Variants in GRB10 observed in about 807,000 individuals in gnomAD.
GRB10 encodes the protein growth factor receptor bound protein 10.
GRB10 carries 20 observed loss-of-function variants against 80.9 expected under a neutral mutation model. The observed-to-expected ratio is 0.25, with a 90% CI of 0.17 to 0.36. GRB10 has a LOEUF of 0.36. Among genes scored for constraint, GRB10 ranks in the 10% least tolerant of loss-of-function variants. The pLI, the probability that GRB10 is intolerant of heterozygous loss-of-function variation, is 1.00. For missense variants in GRB10, 548 were observed against 747.7 expected, an observed-to-expected ratio of 0.73 and a Z score of 3.12; for synonymous variants, 291 against 291.5, an observed-to-expected ratio of 1.00 and a Z score of 0.02.
At chr7:50,668,500 T>G (rs1187223811) in intron 7 of GRB10, among the ~76,000 whole-genome samples, 4 of 152,216 alleles carry the variant, frequency 2.6e-5, no homozygotes, top group African/African-American at 9.7e-5. Context: ...TCAGCCACAC[T>G]CAGCTCAGCT....
At chr7:50,706,959 C>T (rs967110384) in intron 4 of GRB10, among the ~76,000 whole-genome samples, 8 of 152,238 alleles carry the variant, frequency 5.3e-5, no homozygotes, top group Non-Finnish European at 7.3e-5. Context: ...TCTCCCATGA[C>T]GAGCTTTTTA....
intron 3 of GRB10, among the ~76,000 whole-genome samples, chr7:50,754,108 CT>C (rs1337026121): frequency 6.6e-6 from 1 of 152,216 alleles, no homozygotes; most frequent in African/African-American, 2.4e-5. Context: ...ACGGCACTCC[CT>C]GATTCAGCTT....
intron 4 of GRB10, among the ~76,000 whole-genome samples, chr7:50,731,923 C>A (rs965876970): frequency 6.6e-6 from 1 of 152,238 alleles, no homozygotes; most frequent in East Asian, 1.9e-4. Context: ...TCAGGAGTGT[C>A]TGGCCCGACC....
intron 17 of GRB10, among the ~76,000 whole-genome samples, chr7:50,599,105 A>G (rs979586490): frequency 3.9e-5 from 6 of 151,932 alleles, no homozygotes; most frequent in African/African-American, 1.4e-4. Flanking sequence ...ACAGGAAGGA[A>G]GCAGGCGGCA....
chr7:50,625,014 A>T (rs2715140), intron 8 of GRB10, among the ~76,000 whole-genome samples: 32,579 of 151,854 alleles, frequency 0.21, 4,451 homozygotes, highest in African/African-American at 0.39. Flanking sequence ...AAATATCACA[A>T]CCCTACAAAT....
intron 18 of GRB10, among the ~76,000 whole-genome samples, chr7:50,593,986 T>C (rs949041776): frequency 1.1e-4 from 17 of 152,132 alleles, no homozygotes; most frequent in African/African-American, 1.9e-4. Context: ...TTCTTTCTTT[T>C]TTTTTTTTAA....
At chr7:50,777,544 A>G (rs1045689537) in intron 2 of GRB10, among the ~76,000 whole-genome samples, 1 of 152,102 alleles carries the variant, frequency 6.6e-6, no homozygotes, top group Non-Finnish European at 1.5e-5. Context: ...TATGTGAATT[A>G]TACCTCAATA....
rs749177717 is a variant in GRB10 at position 50,619,171 on chromosome 7, A to G, written c.776T>C (p.Met259Thr). Residue 259 changes from methionine (M) to threonine (T), a missense_variant and splice_region_variant, in exon 9 of 19, where the codon ATG (methionine) becomes ACG (threonine). This residue lies in a region of GRB10 where 270 missense variants were observed against 433.6 expected (regional missense o/e 0.62). Coordinates refer to ENST00000401949, the MANE Select transcript of GRB10 (RefSeq NM_001350814.2). ...CAAACCTGAAGAGGTAAGACTCACC[A>G]TGGGATTTTTAAAGAACTCGTATTT... ...YAKYEFFKNPMNFFPEQMVTW... is the reference protein window; with the variant it reads ...YAKYEFFKNPTNFFPEQMVTW... 8 of 1,565,346 alleles carry G rather than the reference A, an allele frequency of 5.1e-6. No homozygotes were observed. Among genetic ancestry groups the G allele is most frequent in the Non-Finnish European group, 7.0e-6 (8 of 1,135,432 alleles).
chr7:50,777,481 T>C (rs1389155783), intron 2 of GRB10, among the ~76,000 whole-genome samples: 1 of 133,960 alleles, frequency 7.5e-6, no homozygotes, highest in Non-Finnish European at 1.7e-5. Flanking sequence ...TCTGTAAATA[T>C]ACTAATTATA....
chr7:50,595,138 T>C (rs1294398743), intron 18 of GRB10, among the ~76,000 whole-genome samples: 1 of 152,056 alleles, frequency 6.6e-6, no homozygotes, highest in Non-Finnish European at 1.5e-5. Flanking sequence ...CTAATTCTCC[T>C]CCACCTCCCC....
chr7:50,645,844 G>C (rs1452435152), intron 7 of GRB10, among the ~76,000 whole-genome samples: 1 of 152,222 alleles, frequency 6.6e-6, no homozygotes, highest in Non-Finnish European at 1.5e-5. Flanking sequence ...GCCCTAGGCA[G>C]TGAGAAGAAT....
intron 7 of GRB10, among the ~76,000 whole-genome samples, chr7:50,652,362 T>C (rs2058092613): frequency 6.6e-6 from 1 of 152,206 alleles, no homozygotes; most frequent in African/African-American, 2.4e-5. Flanking sequence ...TTCTCTTTAG[T>C]CTCTATGGCA....
intron 2 of GRB10, among the ~76,000 whole-genome samples, chr7:50,768,484 T>C (rs1026016921): frequency 6.6e-6 from 1 of 152,316 alleles, no homozygotes; most frequent in South Asian, 2.1e-4. Flanking sequence ...CACCTCTATG[T>C]TTCCCCTTAG....
At chr7:50,665,169 A>G (rs2059673177) in intron 7 of GRB10, among the ~76,000 whole-genome samples, 1 of 152,180 alleles carries the variant, frequency 6.6e-6, no homozygotes, top group South Asian at 2.1e-4. Context: ...CGGTTCCTCT[A>G]TGCACTCTCC....
intron 5 of GRB10, among the ~76,000 whole-genome samples, chr7:50,684,626 C>T (rs2061911896): frequency 6.6e-6 from 1 of 152,180 alleles, no homozygotes; most frequent in Admixed American, 6.5e-5. Context: ...ACATTACAGC[C>T]TGCCCAGCAA....
upstream of GRB10, among the ~76,000 whole-genome samples, chr7:50,787,321 T>C (rs771447705): frequency 2.6e-5 from 4 of 152,134 alleles, no homozygotes; most frequent in Non-Finnish European, 4.4e-5. Context: ...ATCTATTGTC[T>C]AGACCTCTTC....
chr7:50,641,754 G>A (rs1019787344), intron 7 of GRB10, among the ~76,000 whole-genome samples: 5 of 152,200 alleles, frequency 3.3e-5, no homozygotes, highest in Admixed American at 6.5e-5. Context: ...ACATCTCTGC[G>A]GCAGGACAGT....
intron 1 of GRB10, chr7:50,781,148 T>C (rs767692765): frequency 5.9e-5 from 9 of 152,288 alleles, no homozygotes; most frequent in Non-Finnish European, 1.0e-4. Flanking sequence ...TAGTAACTAT[T>C]ATCCCTGATT....
Position 50,606,499 on chromosome 7 carries a change from T to C in GRB10, c.1195-85A>G, listed in dbSNP as rs564578011. On this transcript the variant is annotated intron_variant, in intron 13 of 18. Transcript: ENST00000401949. ...CAAACGCCACAGCAGGAAAGGGCAATGTTGAGTGCGGAACAGGGAGTGATG... is the reference window on the plus strand; with the variant it reads ...CAAACGCCACAGCAGGAAAGGGCAACGTTGAGTGCGGAACAGGGAGTGATG... The C allele has an allele frequency of 1.1e-4, 107 of 948,714 alleles. No individual in the cohort carries two copies. In the African/African-American group the frequency reaches 1.6e-3, roughly 14 times the overall value. The allele number at this position is 948,714 out of a possible 1,614,324, so 58.8% of individuals were successfully genotyped here. A position where few individuals can be genotyped will look rare whatever the true frequency, so the allele number is the denominator to read the frequency against.
Sources: allele counts gnomAD v4.1 joint callset (sites outside exome capture counted in the v4.1 genomes callset), GRCh38; gene constraint gnomAD v4.1.1; regional missense constraint gnomAD v4.1.1; transcripts MANE v1.5; gene names NCBI Gene and HGNC (gene_info 2026-07-23, HGNC 2026-07-21).